Variants in CADM2 observed in about 807,000 individuals in gnomAD.
CADM2 encodes the protein immunoglobulin superfamily member 4D.
CADM2 carries 12 observed loss-of-function variants against 49.8 expected under a neutral mutation model. That is an observed-to-expected ratio of 0.24 (90% CI 0.15 to 0.39). The LOEUF is 0.39. CADM2 is among the 10% of genes least tolerant of loss of function. CADM2 has a pLI of 1.00. For synonymous variants in CADM2, 214 were observed against 175.4 expected, an observed-to-expected ratio of 1.22 and a Z score of -1.74; for missense variants, 378 against 492.3, an observed-to-expected ratio of 0.77 and a Z score of 2.20.
intron 1 of CADM2, among the ~76,000 whole-genome samples, chr3:85,120,838 A>T (rs1288325237): frequency 6.6e-6 from 1 of 152,112 alleles, no homozygotes; most frequent in Admixed American, 6.5e-5. Flanking sequence ...AATGAAAATA[A>T]AAAAAAGATA....
chr3:85,752,097 G>A (rs892955128), intron 2 of CADM2, among the ~76,000 whole-genome samples: 1 of 151,986 alleles, frequency 6.6e-6, no homozygotes, highest in Non-Finnish European at 1.5e-5. Flanking sequence ...ACTACCCCAT[G>A]GTTGGTAACA....
At chr3:85,153,393 C>T (rs537727713) in intron 1 of CADM2, among the ~76,000 whole-genome samples, 5 of 152,338 alleles carry the variant, frequency 3.3e-5, no homozygotes, top group East Asian at 1.9e-4. Context: ...TAAAAAATGG[C>T]GCACCAGGAG....
At chr3:85,808,220 G>C (rs867433055) in intron 3 of CADM2, among the ~76,000 whole-genome samples, 2 of 152,152 alleles carry the variant, frequency 1.3e-5, no homozygotes, top group East Asian at 3.9e-4. Flanking sequence ...TAAGAATCAA[G>C]AGGAAAATTT....
At chr3:85,121,152 G>A (rs557752228) in intron 1 of CADM2, among the ~76,000 whole-genome samples, 7 of 152,248 alleles carry the variant, frequency 4.6e-5, no homozygotes, top group South Asian at 4.1e-4. Context: ...TGCCCTCAGG[G>A]TAATAAAGGC....
rs1040507899 is a variant in CADM2, at chr3:85,944,277, C to A, written c.791+8420C>A. On this transcript the variant is annotated intron_variant, in intron 7 of 9. Transcript: ENST00000383699. Reference sequence around the variant, plus strand: ...GAGCACCCAGATTCATAAAGCAAATCCTTAGAGACCTGCAAAGAGACTTAG... The same window carrying A: ...GAGCACCCAGATTCATAAAGCAAATACTTAGAGACCTGCAAAGAGACTTAG... Among the ~76,000 whole-genome samples the A allele has an allele frequency of 4.6e-5, 7 of 152,108 alleles. 2 individuals are homozygous for A. The highest frequency in any genetic ancestry group is 4.6e-4 in the Admixed American group (7 of 15,238).
chr3:85,618,065 G>A (rs1398205871), intron 1 of CADM2, among the ~76,000 whole-genome samples: 3 of 151,986 alleles, frequency 2.0e-5, no homozygotes, highest in Non-Finnish European at 4.4e-5. Context: ...CTTTTCTTTA[G>A]GAGGAAAGTG....
At chr3:85,915,382 A>G (rs977043755) in intron 6 of CADM2, among the ~76,000 whole-genome samples, 2 of 152,164 alleles carry the variant, frequency 1.3e-5, no homozygotes, top group African/African-American at 4.8e-5. Context: ...CCTAGCATCT[A>G]GCATACCATC....
At chr3:85,842,624 G>T (rs1208483561) in intron 3 of CADM2, among the ~76,000 whole-genome samples, 1 of 152,100 alleles carries the variant, frequency 6.6e-6, no homozygotes, top group Non-Finnish European at 1.5e-5. Context: ...AGGTTAGGAA[G>T]CAGGGAAGCC....
intron 1 of CADM2, among the ~76,000 whole-genome samples, chr3:85,561,039 G>T (rs2107177765): frequency 6.6e-6 from 1 of 152,156 alleles, no homozygotes; most frequent in South Asian, 2.1e-4. Context: ...TTATTGTCTA[G>T]GATAGTAGCT....
In CADM2 at chr3:85,760,882, C is replaced by T. The variant is rs2069339509; in HGVS notation, c.88+34334C>T. ...GAAAAATAGGTAATAAATTAACATTCAAAGAACAAAATGGTAGAAAGGTAT... is the reference window on the plus strand; with the variant it reads ...GAAAAATAGGTAATAAATTAACATTTAAAGAACAAAATGGTAGAAAGGTAT... On this transcript the variant is annotated intron_variant, in intron 2 of 9. Transcript: ENST00000383699. Among the ~76,000 whole-genome samples, 3 of 151,964 alleles carry T rather than the reference C, an allele frequency of 2.0e-5. 1 individual carries two copies. Among genetic ancestry groups the T allele is most frequent in the African/African-American group, 7.2e-5 (3 of 41,382 alleles).
intron 1 of CADM2, among the ~76,000 whole-genome samples, chr3:85,221,557 G>C (rs2042044303): frequency 1.3e-5 from 2 of 152,222 alleles, no homozygotes; most frequent in South Asian, 4.1e-4. Context: ...TTGAAAATTG[G>C]AGAGTATTTT....
intron 8 of CADM2, among the ~76,000 whole-genome samples, chr3:85,962,119 AT>A (rs1193086183): frequency 1.3e-5 from 2 of 151,896 alleles, no homozygotes; most frequent in East Asian, 3.9e-4. Flanking sequence ...GGCTTTCGCC[AT>A]GTTCACCAGG....
intron 6 of CADM2, among the ~76,000 whole-genome samples, chr3:85,915,984 G>A (rs1718247542): frequency 1.3e-5 from 2 of 152,094 alleles, no homozygotes; most frequent in Admixed American, 6.6e-5. Context: ...AACATACAAT[G>A]CCAAGAGGCA....
chr3:86,036,704 C>T (rs1003732552), intron 8 of CADM2, among the ~76,000 whole-genome samples: 2 of 152,070 alleles, frequency 1.3e-5, no homozygotes, highest in African/African-American at 4.8e-5. Context: ...GTGCCTCTGT[C>T]TCCTCAACTG....
chr3:85,430,399 G>A (rs1162153498), intron 1 of CADM2, among the ~76,000 whole-genome samples: 2 of 151,966 alleles, frequency 1.3e-5, no homozygotes, highest in East Asian at 1.9e-4. Flanking sequence ...ATGCCTGTAA[G>A]CCCAGTGCTT....
intron 1 of CADM2, among the ~76,000 whole-genome samples, chr3:85,218,070 T>C (rs1418543905): frequency 6.6e-6 from 1 of 152,118 alleles, no homozygotes; most frequent in Admixed American, 6.5e-5. Context: ...CAGTTGGTTA[T>C]TTGATAATCA....
intron 1 of CADM2, among the ~76,000 whole-genome samples, chr3:85,482,362 T>G (rs2039248491): frequency 6.6e-6 from 1 of 151,834 alleles, no homozygotes; most frequent in African/African-American, 2.4e-5. Flanking sequence ...ACTATAATAG[T>G]TTTTGAGAGT....
At chr3:85,649,804 T>C (rs190136441) in intron 1 of CADM2, among the ~76,000 whole-genome samples, 2 of 152,254 alleles carry the variant, frequency 1.3e-5, no homozygotes, top group Non-Finnish European at 1.5e-5. Flanking sequence ...AGTCCAGTTA[T>C]AAATTCGTTT....
intron 1 of CADM2, among the ~76,000 whole-genome samples, chr3:85,349,580 A>G (rs1286413221): frequency 6.6e-6 from 1 of 152,186 alleles, no homozygotes; most frequent in Non-Finnish European, 1.5e-5. Context: ...GAATTACTTC[A>G]TTTAGTTTAC....
Sources: allele counts gnomAD v4.1 joint callset (sites outside exome capture counted in the v4.1 genomes callset), GRCh38; gene constraint gnomAD v4.1.1; transcripts MANE v1.5; gene names NCBI Gene and HGNC (gene_info 2026-07-23, HGNC 2026-07-21).